MMP16: variants seen among roughly 807,000 people sequenced by gnomAD.
The protein encoded by MMP16 is matrix metallopeptidase 16.
MMP16 carries 12 observed loss-of-function variants against 67.8 expected under a neutral mutation model. The ratio of observed to expected loss-of-function variants is 0.18; its 90% CI spans 0.11 to 0.29. The LOEUF (loss-of-function observed/expected upper bound fraction) is 0.29. Among genes scored for constraint, MMP16 ranks in the 10% least tolerant of loss-of-function variants. MMP16 has a pLI of 1.00. For missense variants in MMP16, 475 were observed against 765.7 expected, an observed-to-expected ratio of 0.62 and a Z score of 4.48; for synonymous variants, 249 against 255.9, an observed-to-expected ratio of 0.97 and a Z score of 0.26.
chr8:88,313,271 A>G (rs560296901), intron 1 of MMP16, among the ~76,000 whole-genome samples: 12 of 152,196 alleles, frequency 7.9e-5, no homozygotes, highest in African/African-American at 2.6e-4. Flanking sequence ...TAAATCTTTC[A>G]GCTTTTGTGT....
Position 88,140,221 on chromosome 8 carries a change from C to T in MMP16, c.710-21360G>A, listed in dbSNP as rs143677794. ...TGGAAGTCTATCTCCACTTGGGTCT[C>T]GGGTCTCATATGGCCTAGGGTTCTG... On this transcript the variant is annotated intron_variant, in intron 4 of 9. Coordinates refer to ENST00000286614, the MANE Select transcript of MMP16 (RefSeq NM_005941.5). 5.8e-4 allele frequency among the ~76,000 whole-genome samples: 88 copies of T among 152,108 alleles called. 1 individual carries two copies. The highest frequency in any genetic ancestry group is 1.9e-3 in the African/African-American group (80 of 41,488).
intron 7 of MMP16, among the ~76,000 whole-genome samples, chr8:88,063,843 C>T (rs1323514369): frequency 1.3e-5 from 2 of 152,028 alleles, no homozygotes; most frequent in Non-Finnish European, 2.9e-5. Context: ...ATCAACTCAT[C>T]ACCTAACATT....
At chr8:88,255,817 C>T (rs528134064) in intron 1 of MMP16, among the ~76,000 whole-genome samples, 2 of 152,154 alleles carry the variant, frequency 1.3e-5, no homozygotes, top group African/African-American at 4.8e-5. Flanking sequence ...TCTGATTTTT[C>T]CCCCACTAAG....
chr8:88,247,930 G>A lies in MMP16; in HGVS notation c.133-50624C>T, dbSNP rs150213182. Reference sequence around the variant, plus strand: ...TTGTCAAACGTTGTTGCACATTGACGTCATCAAAGTAATTATGAAAGCTTG... The same window carrying A: ...TTGTCAAACGTTGTTGCACATTGACATCATCAAAGTAATTATGAAAGCTTG... On this transcript the variant is annotated intron_variant, in intron 1 of 9. Coordinates refer to ENST00000286614, the MANE Select transcript of MMP16 (RefSeq NM_005941.5). Among the ~76,000 whole-genome samples the A allele has an allele frequency of 9.0e-3, 1,363 of 152,124 alleles. 17 individuals carry two copies. Among genetic ancestry groups the A allele is most frequent in the African/African-American group, 0.031 (1,299 of 41,514 alleles).
intron 1 of MMP16, among the ~76,000 whole-genome samples, chr8:88,239,294 CAAA>C (rs34599512): frequency 2.5e-5 from 2 of 80,532 alleles, no homozygotes; most frequent in African/African-American, 5.4e-5. Flanking sequence ...GACGCAGTCT[CAAA>C]AAAAAAAAAA....
intron 8 of MMP16, among the ~76,000 whole-genome samples, chr8:88,053,542 C>A (rs1808295535): frequency 6.6e-6 from 1 of 152,052 alleles, no homozygotes; most frequent in South Asian, 2.1e-4. Context: ...TAGAAAACTG[C>A]TGACATAACT....
rs866160999 is a variant in MMP16, at chr8:88,226,917, C to T, written c.133-29611G>A. On this transcript the variant is annotated intron_variant, in intron 1 of 9. Transcript: ENST00000286614. ...TTATTTATTTATTTATTTATTCTCT[C>T]GGAAATCATTTTGATTAAAACATTT... Among the ~76,000 whole-genome samples the T allele has an allele frequency of 4.6e-5, 7 of 150,558 alleles. No homozygotes were observed. The South Asian group carries it at 6.3e-4, about 14-fold the overall frequency.
intron 1 of MMP16, among the ~76,000 whole-genome samples, chr8:88,248,764 T>C (rs1042090965): frequency 3.4e-5 from 5 of 149,122 alleles, no homozygotes; most frequent in Non-Finnish European, 5.9e-5. Context: ...GAGAAGAATC[T>C]CACTGGCAGG....
intron 1 of MMP16, among the ~76,000 whole-genome samples, chr8:88,220,568 G>A (rs1879201): frequency 0.7 from 106,866 of 151,666 alleles, 38,535 homozygotes; most frequent in East Asian, 0.98. Flanking sequence ...AGGTAGTGTC[G>A]TACACCATCA....
At chr8:88,276,600 G>A (rs185567652) in intron 1 of MMP16, among the ~76,000 whole-genome samples, 1 of 152,192 alleles carries the variant, frequency 6.6e-6, no homozygotes, top group East Asian at 1.9e-4. Flanking sequence ...CCTTTAAATA[G>A]GTAGGCTTTA....
rs1240677787 is a variant in MMP16, at chr8:88,032,961, A to G, written c.*8500T>C. The G allele has an allele frequency of 1.3e-5, 2 of 152,104 alleles. No homozygotes were observed. The highest frequency in any genetic ancestry group is 4.8e-5 in the African/African-American group (2 of 41,448). The allele number at this position is 152,104 out of a possible 1,614,324, so 9.4% of individuals were successfully genotyped here. ...GAAAACATCATGGGGAATTAAAAGA[A>G]AGGTGAAGTATTGTCAGACAACCAC... On this transcript the variant is annotated 3_prime_UTR_variant, in exon 10 of 10. Transcript: ENST00000286614.
At chr8:88,208,818 C>A (rs114754763) in intron 1 of MMP16, among the ~76,000 whole-genome samples, 297 of 130,556 alleles carry the variant, frequency 2.3e-3, no homozygotes, top group Non-Finnish European at 3.1e-3. Flanking sequence ...GTAGATATGG[C>A]AAAAAAAAAA....
chr8:88,312,994 AG>A (rs1367090818), intron 1 of MMP16, among the ~76,000 whole-genome samples: 10 of 152,302 alleles, frequency 6.6e-5, no homozygotes, highest in Middle Eastern at 3.4e-3. Context: ...AAACAAAAAA[AG>A]GTGAGTGTCC....
At chr8:88,291,066 A>G (rs1394907545) in intron 1 of MMP16, among the ~76,000 whole-genome samples, 1 of 152,102 alleles carries the variant, frequency 6.6e-6, no homozygotes, top group Non-Finnish European at 1.5e-5. Context: ...GGATCTCTTG[A>G]GAACAAGAGT....
At chr8:88,283,533 A>G (rs1157897566) in intron 1 of MMP16, among the ~76,000 whole-genome samples, 1 of 152,150 alleles carries the variant, frequency 6.6e-6, no homozygotes, top group African/African-American at 2.4e-5. Flanking sequence ...TGACAGGGCT[A>G]TGCCTCCCTT....
intron 1 of MMP16, among the ~76,000 whole-genome samples, chr8:88,225,637 A>T (rs1253503670): frequency 1.3e-5 from 2 of 151,850 alleles, no homozygotes; most frequent in Non-Finnish European, 2.9e-5. Context: ...ATATTCATTG[A>T]CCCATGCACA....
intron 1 of MMP16, among the ~76,000 whole-genome samples, chr8:88,224,609 AT>A (rs1333143689): frequency 6.6e-6 from 1 of 152,010 alleles, no homozygotes; most frequent in Non-Finnish European, 1.5e-5. Context: ...CATGCAGACT[AT>A]TGGAAACAAG....
At chr8:88,202,617 G>GATTT (rs1809361102) in intron 1 of MMP16, among the ~76,000 whole-genome samples, 2 of 151,780 alleles carry the variant, frequency 1.3e-5, no homozygotes, top group Non-Finnish European at 1.5e-5. Context: ...TTTAAAGAAA[G>GATTT]ATTTATAGTG....
At chr8:88,202,480 A>C (rs539149540) in intron 1 of MMP16, among the ~76,000 whole-genome samples, 3 of 152,284 alleles carry the variant, frequency 2.0e-5, no homozygotes, top group African/African-American at 7.2e-5. Flanking sequence ...CAGTGTTAAA[A>C]AGAGAGCAGT....
Sources: gnomAD v4.1 joint callset for allele counts (sites outside exome capture counted in the v4.1 genomes callset) on GRCh38, gnomAD v4.1.1 for gene constraint, MANE v1.5 for transcripts, NCBI Gene and HGNC (gene_info 2026-07-23, HGNC 2026-07-21) for gene names.